CLDN16: variants seen among roughly 807,000 people sequenced by gnomAD.
The protein encoded by CLDN16 is claudin-16.
A neutral mutation model predicts 24.6 loss-of-function variants in CLDN16; 13 were observed. That is an observed-to-expected ratio of 0.53 (90% CI 0.34 to 0.84). The LOEUF is 0.84. CLDN16 is among the 40% of genes least tolerant of loss of function. The probability of loss-of-function intolerance (pLI) is 0.01; values close to 1 mark genes in which losing one functional copy is unlikely to be tolerated. For missense variants in CLDN16, 298 were observed against 292.7 expected (o/e 1.02, Z -0.13); for synonymous variants, 116 against 106.7 (o/e 1.09, Z -0.54).
intron 1 of CLDN16, among the ~76,000 whole-genome samples, chr3:190,353,224 T>C: frequency 6.6e-6 from 1 of 151,926 alleles, no homozygotes; most frequent in East Asian, 1.9e-4. Context: ...TCATCCAAAA[T>C]TCAGAGTGAC....
intron 1 of CLDN16, among the ~76,000 whole-genome samples, chr3:190,370,253 TG>T (rs897046976): frequency 3.3e-5 from 5 of 152,018 alleles, no homozygotes; most frequent in African/African-American, 9.7e-5. Context: ...GTGTAGGTTT[TG>T]CTTCTTCAGC....
chr3:190,336,343 T>C (rs1195559459), intron 1 of CLDN16, among the ~76,000 whole-genome samples: 1 of 152,190 alleles, frequency 6.6e-6, no homozygotes, highest in Non-Finnish European at 1.5e-5. Flanking sequence ...AGTTAAGCCA[T>C]GCAGATTCAG....
the CLDN16 span, among the ~76,000 whole-genome samples, chr3:190,294,805 T>G: frequency 0.58 from 87,698 of 151,838 alleles, 25,999 homozygotes; most frequent in African/African-American, 0.71. Flanking sequence ...ACATGACTTA[T>G]AAAAACTGGA....
At chr3:190,357,355 A>G (rs1717795993) in intron 1 of CLDN16, among the ~76,000 whole-genome samples, 1 of 151,906 alleles carries the variant, frequency 6.6e-6, no homozygotes, top group Admixed American at 6.6e-5. Flanking sequence ...AAATTTTCTC[A>G]TATTCACTGT....
At chr3:190,396,679 A>T (rs2108664282) in intron 1 of CLDN16, among the ~76,000 whole-genome samples, 1 of 152,318 alleles carries the variant, frequency 6.6e-6, no homozygotes, top group Admixed American at 6.5e-5. Flanking sequence ...ATGACCTATA[A>T]TTGCACATAC....
chr3:190,348,568 G>T (rs1273707773), intron 1 of CLDN16, among the ~76,000 whole-genome samples: 1 of 152,092 alleles, frequency 6.6e-6, no homozygotes. Context: ...AAAACAATAT[G>T]CTTTCATGTC....
At chr3:190,319,589 T>G (rs1380980787), upstream of CLDN16, among the ~76,000 whole-genome samples, 2 of 152,146 alleles carry the variant, frequency 1.3e-5, no homozygotes, top group Non-Finnish European at 2.9e-5. Flanking sequence ...TTTTAATACT[T>G]CCCGTGCTAA....
At chr3:190,340,341 T>G (rs1717399234) in intron 1 of CLDN16, among the ~76,000 whole-genome samples, 1 of 152,180 alleles carries the variant, frequency 6.6e-6, no homozygotes, top group Non-Finnish European at 1.5e-5. Context: ...AAGAGGTTTA[T>G]TAGACTTACA....
chr3:190,357,780 T>A (rs2108639369), intron 1 of CLDN16, among the ~76,000 whole-genome samples: 1 of 152,036 alleles, frequency 6.6e-6, no homozygotes, highest in African/African-American at 2.4e-5. Context: ...GCTTGTAAAA[T>A]CAAACCACAG....
At chr3:190,317,935 G>A (rs1716813627), upstream of CLDN16, among the ~76,000 whole-genome samples, 1 of 152,218 alleles carries the variant, frequency 6.6e-6, no homozygotes, top group Non-Finnish European at 1.5e-5. Flanking sequence ...AGTATTAAGT[G>A]AATAAATGAA....
At chr3:190,330,137 A>G (rs929086320) in intron 1 of CLDN16, among the ~76,000 whole-genome samples, 1 of 152,158 alleles carries the variant, frequency 6.6e-6, no homozygotes, top group Non-Finnish European at 1.5e-5. Flanking sequence ...AATTGAGAAT[A>G]TAGTACCTAA....
At chr3:190,321,884 G>A (rs1326257967), upstream of CLDN16, 5 of 875,520 alleles carry the variant, frequency 5.7e-6, no homozygotes, top group East Asian at 7.3e-5. Flanking sequence ...ATCAACTGAA[G>A]ACTGATAACC....
chr3:190,311,862 T>C, the CLDN16 span, among the ~76,000 whole-genome samples: 1 of 151,978 alleles, frequency 6.6e-6, no homozygotes, highest in Non-Finnish European at 1.5e-5. Context: ...AATAATGCTG[T>C]CCATGTTTTC....
chr3:190,339,286 C>T (rs150899303), intron 1 of CLDN16, among the ~76,000 whole-genome samples: 32 of 152,320 alleles, frequency 2.1e-4, no homozygotes, highest in African/African-American at 7.2e-4. Context: ...GGGCCTAACT[C>T]AATTACATGT....
At chr3:190,360,602 T>G (rs920811947) in intron 1 of CLDN16, among the ~76,000 whole-genome samples, 1 of 151,990 alleles carries the variant, frequency 6.6e-6, no homozygotes, top group Admixed American at 6.6e-5. Context: ...AATTATAATG[T>G]AATTATTTGT....
chr3:190,387,336 A>T (rs140141467), upstream of CLDN16, among the ~76,000 whole-genome samples: 5 of 149,380 alleles, frequency 3.3e-5, no homozygotes, highest in Non-Finnish European at 7.4e-5. Flanking sequence ...TACAAAAAAG[A>T]AACACACTTT....
In CLDN16 at chr3:190,371,354, A is replaced by G. The variant is rs144073497; in HGVS notation, n.230+353A>G. Among the ~76,000 whole-genome samples, 195 of 151,984 alleles carry G rather than the reference A, an allele frequency of 1.3e-3. 2 individuals are homozygous for G. Among genetic ancestry groups the G allele is most frequent in the African/African-American group, 3.7e-3 (152 of 41,510 alleles). ...ACATATGTGAGGGTTATGCTTGCTC[A>G]TGATAATTTCTTTTTAGTTTCTCTG... On this transcript the variant is annotated intron_variant and non_coding_transcript_variant, in intron 2 of 4. Coordinates refer to the CLDN16 transcript ENST00000468220.
chr3:190,380,147 T>TCCTTCCTC (rs1718332461), intron 3 of CLDN16, among the ~76,000 whole-genome samples: 2 of 30,498 alleles, frequency 6.6e-5, no homozygotes, highest in Non-Finnish European at 7.1e-5. Flanking sequence ...TTCCTTTTCT[T>TCCTTCCTC]CCTTCCCTCC....
the CLDN16 span, among the ~76,000 whole-genome samples, chr3:190,296,507 A>G: frequency 6.6e-6 from 1 of 152,058 alleles, no homozygotes; most frequent in Admixed American, 6.6e-5. Flanking sequence ...GGAGGAGAGT[A>G]ATAACGTATG....
Sources: allele counts gnomAD v4.1 joint callset (sites outside exome capture counted in the v4.1 genomes callset), GRCh38; gene constraint gnomAD v4.1.1; transcripts MANE v1.5; gene names NCBI Gene and HGNC (gene_info 2026-07-23, HGNC 2026-07-21).